SLC24A2: variants seen among roughly 807,000 people sequenced by gnomAD.
SLC24A2 encodes the protein sodium/potassium/calcium exchanger 2.
A neutral mutation model predicts 62.0 loss-of-function variants in SLC24A2; 36 were observed. That is an observed-to-expected ratio of 0.58 (90% CI 0.44 to 0.77). The LOEUF (loss-of-function observed/expected upper bound fraction) is 0.77. Ranked by LOEUF, SLC24A2 falls within the 30% of genes least tolerant of loss-of-function variation. The pLI is 0.00. For synonymous variants in SLC24A2, 358 were observed against 294.0 expected (o/e 1.22, Z -2.23); for missense variants, 846 against 817.9 (o/e 1.03, Z -0.42).
At chr9:19,810,387 GT>G in the SLC24A2 span, among the ~76,000 whole-genome samples, 1 of 152,206 alleles carries the variant, frequency 6.6e-6, no homozygotes, top group African/African-American at 2.4e-5. Flanking sequence ...TTAGAGACTA[GT>G]CTTTTTAAAA....
At chr9:20,180,656 G>C in the SLC24A2 span, among the ~76,000 whole-genome samples, 2 of 152,252 alleles carry the variant, frequency 1.3e-5, no homozygotes, top group East Asian at 1.9e-4. Context: ...TTAATAATTA[G>C]AGCCTAAAGA....
At chr9:19,524,759 ATTG>A (rs1414171426) in intron 9 of SLC24A2, among the ~76,000 whole-genome samples, 1 of 152,148 alleles carries the variant, frequency 6.6e-6, no homozygotes, top group Non-Finnish European at 1.5e-5. Flanking sequence ...TAAAATTATT[ATTG>A]TTTCAGCCAT....
intron 4 of SLC24A2, among the ~76,000 whole-genome samples, chr9:19,618,488 C>T (rs1817826157): frequency 6.6e-6 from 1 of 152,162 alleles, no homozygotes; most frequent in South Asian, 2.1e-4. Context: ...ACGCCCCATG[C>T]TCTGCAAGGA....
chr9:19,965,138 G>A, the SLC24A2 span, among the ~76,000 whole-genome samples: 1 of 152,210 alleles, frequency 6.6e-6, no homozygotes, highest in South Asian at 2.1e-4. Flanking sequence ...CAGGAACACA[G>A]GAGTGGAAGA....
upstream of SLC24A2, among the ~76,000 whole-genome samples, chr9:19,791,222 T>C (rs1823316784): frequency 6.6e-6 from 1 of 152,228 alleles, no homozygotes; most frequent in African/African-American, 2.4e-5. Flanking sequence ...GTTTATTCTT[T>C]TGCATTACAT....
At chr9:19,908,848 C>A in the SLC24A2 span, among the ~76,000 whole-genome samples, 87,145 of 151,928 alleles carry the variant, frequency 0.57, 25,530 homozygotes, top group East Asian at 0.79. Flanking sequence ...GCTGGAGAGG[C>A]TGTGGAGAAA....
At chr9:19,867,570 A>T in the SLC24A2 span, among the ~76,000 whole-genome samples, 1 of 151,954 alleles carries the variant, frequency 6.6e-6, no homozygotes, top group African/African-American at 2.4e-5. Flanking sequence ...CCTTCCTCTT[A>T]TCTTGGTCAG....
chr9:20,005,103 T>C, the SLC24A2 span, among the ~76,000 whole-genome samples: 2 of 152,146 alleles, frequency 1.3e-5, no homozygotes, highest in African/African-American at 2.4e-5. Context: ...ATCAAATCCA[T>C]AGAAAGGAGG....
At chr9:19,759,650 G>A in intron 2 of SLC24A2, among the ~76,000 whole-genome samples, 1 of 152,132 alleles carries the variant, frequency 6.6e-6, no homozygotes, top group East Asian at 1.9e-4. Context: ...CTTTGGTTTT[G>A]ACATCAGTCA....
intron 2 of SLC24A2, among the ~76,000 whole-genome samples, chr9:19,678,941 A>T (rs771979894): frequency 2.0e-5 from 3 of 152,242 alleles, no homozygotes; most frequent in Non-Finnish European, 2.9e-5. Context: ...GTGCTGTCAC[A>T]AAAGACACGC....
the SLC24A2 span, among the ~76,000 whole-genome samples, chr9:20,249,831 G>A: frequency 6.6e-6 from 1 of 151,918 alleles, no homozygotes; most frequent in East Asian, 1.9e-4. Flanking sequence ...AGTGGTCACA[G>A]CAGCTGAGGT....
the SLC24A2 span, among the ~76,000 whole-genome samples, chr9:19,956,139 C>T: frequency 7.9e-5 from 12 of 152,308 alleles, no homozygotes; most frequent in South Asian, 2.1e-4. Context: ...TTCCCTGCTA[C>T]GCTCTACGTT....
At chr9:19,542,519 G>C (rs1184062178) in intron 8 of SLC24A2, among the ~76,000 whole-genome samples, 2 of 152,156 alleles carry the variant, frequency 1.3e-5, no homozygotes, top group East Asian at 3.9e-4. Context: ...TCTTGTGCCA[G>C]TTTTCAAAGG....
the SLC24A2 span, among the ~76,000 whole-genome samples, chr9:20,115,034 G>C: frequency 6.6e-6 from 1 of 152,104 alleles, no homozygotes; most frequent in African/African-American, 2.4e-5. Context: ...GAGGAAAATG[G>C]GGGTTGTGGG....
chr9:20,159,770 T>A, the SLC24A2 span, among the ~76,000 whole-genome samples: 4 of 151,510 alleles, frequency 2.6e-5, no homozygotes, highest in Admixed American at 1.3e-4. Context: ...GAACTAGATA[T>A]AATGGTAACC....
intron 2 of SLC24A2, among the ~76,000 whole-genome samples, chr9:19,734,929 C>T (rs1328754904): frequency 6.6e-6 from 1 of 151,868 alleles, no homozygotes; most frequent in Non-Finnish European, 1.5e-5. Context: ...CTAGGCAATA[C>T]CATTCAGGAC....
chr9:19,907,889 C>T, the SLC24A2 span, among the ~76,000 whole-genome samples: 34 of 152,166 alleles, frequency 2.2e-4, no homozygotes, highest in Admixed American at 3.9e-4. Flanking sequence ...GAATCAATAT[C>T]GTGAAAATGG....
chr9:20,110,903 C>G, the SLC24A2 span, among the ~76,000 whole-genome samples: 2 of 152,136 alleles, frequency 1.3e-5, no homozygotes, highest in African/African-American at 4.8e-5. Flanking sequence ...AATGAGGATC[C>G]ATTTTACAAT....
rs58063275 is a variant in SLC24A2, at chr9:19,550,212, G to T, written c.1404C>A (p.Arg468=). 1.0e-2 allele frequency: 16,106 copies of T among 1,614,024 alleles called. 1,328 individuals are homozygous for T. In the African/African-American group the frequency reaches 0.18, roughly 18 times the overall value. Residue 468 remains arginine (R), a synonymous_variant, in exon 8 of 11, where the codon CGC becomes CGA. Transcript: ENST00000341998. ...PLSLAWPSET[R]KQVTFLIVFP... is the part of the protein sequence containing the mutation. ...AAACAATCAGAAACGTGACTTGCTTGCGGGTTTCAGAAGGCCAGGCAAGGC... is the reference window on the plus strand; with the variant it reads ...AAACAATCAGAAACGTGACTTGCTTTCGGGTTTCAGAAGGCCAGGCAAGGC...
Sources: allele counts gnomAD v4.1 joint callset (sites outside exome capture counted in the v4.1 genomes callset), GRCh38; gene constraint gnomAD v4.1.1; transcripts MANE v1.5; gene names NCBI Gene and HGNC (gene_info 2026-07-23, HGNC 2026-07-21).